Variants in KLHDC1 observed in about 807,000 individuals in gnomAD.
The protein encoded by KLHDC1 is kelch domain containing 1, also known as kelch domain-containing protein 1.
A neutral mutation model predicts 68.3 loss-of-function variants in KLHDC1; 53 were observed. That is an observed-to-expected ratio of 0.78 (90% CI 0.62 to 0.98). The LOEUF is 0.98. Ranked by LOEUF, KLHDC1 falls within the 50% of genes least tolerant of loss-of-function variation. The pLI, the probability that KLHDC1 is intolerant of heterozygous loss-of-function variation, is 0.00. For synonymous variants in KLHDC1, 148 were observed against 159.0 expected (o/e 0.93, Z 0.52); for missense variants, 470 against 492.3 (o/e 0.95, Z 0.43).
At chr14:49,698,277 C>T (rs1197758284) in intron 1 of KLHDC1, among the ~76,000 whole-genome samples, 1 of 152,140 alleles carries the variant, frequency 6.6e-6, no homozygotes. Flanking sequence ...GATCTCGGCT[C>T]ACTGCAACCT....
intron 4 of KLHDC1, among the ~76,000 whole-genome samples, chr14:49,718,807 C>T (rs1268069964): frequency 3.9e-5 from 3 of 76,348 alleles, no homozygotes; most frequent in Admixed American, 4.4e-4. Context: ...GTCGTAGTCT[C>T]ACTCTGTTCA....
At chr14:49,702,166 C>T (rs1015206204) in intron 1 of KLHDC1, among the ~76,000 whole-genome samples, 5 of 124,606 alleles carry the variant, frequency 4.0e-5, no homozygotes, top group Admixed American at 1.7e-4. Context: ...GAAATTCTGT[C>T]TCAAAAAAAA....
chr14:49,737,305 G>C (rs1014847790), intron 10 of KLHDC1, among the ~76,000 whole-genome samples: 7 of 152,156 alleles, frequency 4.6e-5, no homozygotes, highest in African/African-American at 1.7e-4. Context: ...CATCTCTAAT[G>C]ACTTAGTTCC....
intron 1 of KLHDC1, among the ~76,000 whole-genome samples, chr14:49,706,925 C>G (rs371766274): frequency 6.7e-6 from 1 of 148,384 alleles, no homozygotes; most frequent in African/African-American, 2.5e-5. Context: ...TTCTCCCATT[C>G]TGTAGGTTGT....
rs187708373 is a variant in KLHDC1 at position 49,730,887 on chromosome 14, G to T, written c.710+1339G>T. Among the ~76,000 whole-genome samples the T allele has an allele frequency of 5.3e-4, 81 of 152,230 alleles. 1 individual carries two copies. The East Asian group carries it at 0.013, about 25-fold the overall frequency. On this transcript the variant is annotated intron_variant, in intron 8 of 12. Transcript: ENST00000359332. ...CTCGGGAGCCTGAGGCAGGAGAATCGCTTGAACCCGGGAGGTGGAGGTTGC... is the reference window on the plus strand; with the variant it reads ...CTCGGGAGCCTGAGGCAGGAGAATCTCTTGAACCCGGGAGGTGGAGGTTGC...
At chr14:49,713,842 A>ATTTTTTTT (rs1566603026) in intron 4 of KLHDC1, among the ~76,000 whole-genome samples, 1 of 28,494 alleles carries the variant, frequency 3.5e-5, no homozygotes, top group Non-Finnish European at 6.3e-5. Context: ...ATATATATAT[A>ATTTTTTTT]TATATATATT....
At chr14:49,695,709 C>G (rs539374446) in intron 1 of KLHDC1, among the ~76,000 whole-genome samples, 11 of 152,318 alleles carry the variant, frequency 7.2e-5, no homozygotes, top group Admixed American at 2.0e-4. Context: ...TGACTTCTCT[C>G]TAGCTATGAA....
chr14:49,710,382 G>T lies in KLHDC1; in HGVS notation c.404+1G>T. On this transcript the variant is annotated splice_donor_variant, in intron 4 of 12. Coordinates refer to ENST00000359332, the MANE Select transcript of KLHDC1 (RefSeq NM_172193.3). LOFTEE classifies it high-confidence loss of function. ...TTTCCTGCTGGGTATATAAAGACAG[G>T]TAATGCAGCAGTTGCACTTAATGCA... 1 of 1,490,790 alleles carries T rather than the reference G, an allele frequency of 6.7e-7. No individual in the cohort carries two copies. Among genetic ancestry groups the T allele is most frequent in the Non-Finnish European group, 9.4e-7 (1 of 1,069,230 alleles). 92.3% of individuals were successfully genotyped at this position (1,490,790 alleles called of 1,614,324 possible). A position where few individuals can be genotyped will look rare whatever the true frequency, so the allele number is the denominator to read the frequency against.
intron 9 of KLHDC1, 124 bp from the exon 10 acceptor site, chr14:49,734,465 G>C: frequency 2.1e-6 from 1 of 484,942 alleles, no homozygotes; most frequent in Non-Finnish European, 3.7e-6. Flanking sequence ...TTGAAAATTT[G>C]TATGATAAAA....
intron 4 of KLHDC1, among the ~76,000 whole-genome samples, chr14:49,712,165 G>A (rs1315162368): frequency 2.0e-5 from 3 of 151,842 alleles, no homozygotes; most frequent in African/African-American, 4.8e-5. Context: ...TGATCCACCC[G>A]CTTCAGCCTC....
chr14:49,729,414 G>A, intron 7 of KLHDC1, 76 bp from the exon 8 acceptor site: 1 of 899,590 alleles, frequency 1.1e-6, no homozygotes, highest in South Asian at 1.4e-5. Context: ...TTTTTAATCT[G>A]AACTTACTTT....
At chr14:49,709,366 T>G (rs2139737950) in intron 2 of KLHDC1, 137 bp downstream of exon 2, 1 of 498,538 alleles carries the variant, frequency 2.0e-6, no homozygotes, top group Non-Finnish European at 3.5e-6. Flanking sequence ...CTTTCAATGC[T>G]TTTATTTTCT....
chr14:49,710,398 A>G lies in KLHDC1; in HGVS notation c.404+17A>G, dbSNP rs1426770192. 9 of 1,243,288 alleles carry G rather than the reference A, an allele frequency of 7.2e-6. No homozygotes were observed. Among genetic ancestry groups the G allele is most frequent in the African/African-American group, 1.5e-5 (1 of 67,148 alleles). 77.0% of individuals were successfully genotyped at this position (1,243,288 alleles called of 1,614,324 possible). ...TAAAGACAGGTAATGCAGCAGTTGCACTTAATGCATTATGTCTACCTAAGC... is the reference window on the plus strand; with the variant it reads ...TAAAGACAGGTAATGCAGCAGTTGCGCTTAATGCATTATGTCTACCTAAGC... On this transcript the variant is annotated intron_variant, in intron 4 of 12. Transcript: ENST00000359332.
chr14:49,738,110 C>G (rs765058966), intron 10 of KLHDC1, among the ~76,000 whole-genome samples: 2 of 151,602 alleles, frequency 1.3e-5, no homozygotes, highest in African/African-American at 2.4e-5. Context: ...TCACTGCAAC[C>G]TCCGCCTCCT....
chr14:49,745,542 G>T (rs1223818899), intron 12 of KLHDC1, among the ~76,000 whole-genome samples: 1 of 152,182 alleles, frequency 6.6e-6, no homozygotes, highest in East Asian at 1.9e-4. Flanking sequence ...AAAGGAAATT[G>T]CCTTAAGAGA....
At chr14:49,735,265 A>G (rs1269499260) in intron 10 of KLHDC1, among the ~76,000 whole-genome samples, 1 of 151,902 alleles carries the variant, frequency 6.6e-6, no homozygotes, top group Admixed American at 6.6e-5. Flanking sequence ...TTTTTTTCTA[A>G]TTTTATTGAA....
intron 1 of KLHDC1, among the ~76,000 whole-genome samples, chr14:49,696,767 T>A (rs1253255312): frequency 3.3e-5 from 5 of 152,342 alleles, no homozygotes; most frequent in South Asian, 2.1e-4. Flanking sequence ...CGTTTGGATT[T>A]ACAACTTGGC....
chr14:49,740,407 G>A (rs1043334815), intron 11 of KLHDC1, among the ~76,000 whole-genome samples: 7 of 151,944 alleles, frequency 4.6e-5, no homozygotes, highest in African/African-American at 1.2e-4. Context: ...GTGCGATCTC[G>A]GCTCACTGCA....
At position 49,694,068 on chromosome 14, in the gene KLHDC1, C is replaced by A. The variant is rs79634772; in HGVS notation, c.96+778C>A. 5.3e-3 allele frequency among the ~76,000 whole-genome samples: 799 copies of A among 152,076 alleles called. 7 individuals are homozygous for A. The highest frequency in any genetic ancestry group is 0.018 in the African/African-American group (766 of 41,510). On this transcript the variant is annotated intron_variant, in intron 1 of 12. Transcript: ENST00000359332. ...TGCCTGGCTTGCATTTTAAATATTT[C>A]TAAGCTATTTTTAGTGGCGTTTCTT...
Sources: allele counts gnomAD v4.1 joint callset (sites outside exome capture counted in the v4.1 genomes callset), GRCh38; gene constraint gnomAD v4.1.1; transcripts MANE v1.5; gene names NCBI Gene and HGNC (gene_info 2026-07-23, HGNC 2026-07-21).